The following XAF1 variants were observed in gnomAD, a reference collection of about 807,000 sequenced individuals.
The protein encoded by XAF1 is XIAP associated factor 1, also known as XIAP-associated factor 1.
Under a neutral mutation model 32.3 loss-of-function variants are expected in XAF1, and 32 were observed. The observed-to-expected ratio is 0.99, with a 90% CI of 0.75 to 1.33. XAF1 has a LOEUF of 1.33. Among genes scored for constraint, XAF1 ranks in the 40% most tolerant of loss-of-function variants. The pLI is 0.00. For synonymous variants in XAF1, 120 were observed against 125.9 expected (o/e 0.95, Z 0.31); for missense variants, 379 against 366.0 (o/e 1.04, Z -0.29).
chr17:6,767,626 A>G (rs1975710942), intron 5 of XAF1, among the ~76,000 whole-genome samples: 1 of 152,210 alleles, frequency 6.6e-6, no homozygotes, highest in Admixed American at 6.5e-5. Flanking sequence ...TAATATCTCA[A>G]AAATACAGTC....
chr17:6,756,345 C>A, intron 1 of XAF1: 3 of 1,306,982 alleles, frequency 2.3e-6, no homozygotes, highest in Non-Finnish European at 3.0e-6. Context: ...AAATGTTAGG[C>A]TTTCTGGGAC....
At chr17:6,756,156 GAGACGT>G in intron 1 of XAF1, 46 bp downstream of exon 1, 1 of 1,613,758 alleles carries the variant, frequency 6.2e-7, no homozygotes, top group Non-Finnish European at 8.5e-7. Flanking sequence ...TGGCGAGGGA[GAGACGT>G]AGACGACATA....
chr17:6,760,008 ATTCCCT>A, intron 3 of XAF1: 1 of 553,008 alleles, frequency 1.8e-6, no homozygotes, highest in Non-Finnish European at 3.2e-6. Flanking sequence ...ATTGGCCCTA[ATTCCCT>A]AGGGAGATGG....
intron 5 of XAF1, among the ~76,000 whole-genome samples, chr17:6,765,180 G>A (rs1052115395): frequency 9.9e-5 from 15 of 152,150 alleles, no homozygotes; most frequent in South Asian, 2.1e-4. Context: ...TTGGGAGGCC[G>A]AGGTGGGAGG....
At chr17:6,762,857 T>A (rs1158956732) in intron 5 of XAF1, among the ~76,000 whole-genome samples, 2 of 152,244 alleles carry the variant, frequency 1.3e-5, no homozygotes, top group Admixed American at 1.3e-4. Context: ...AGAACTCTTC[T>A]CCTTCTCCTT....
intron 3 of XAF1, 174 bp downstream of exon 3, chr17:6,759,892 C>G (rs1252907607): frequency 1.9e-6 from 2 of 1,066,844 alleles, no homozygotes; most frequent in African/African-American, 1.6e-5. Context: ...GTTCTCCTGT[C>G]CCCCAGATAC....
At chr17:6,769,356 C>T (rs1975849949) in intron 5 of XAF1, among the ~76,000 whole-genome samples, 1 of 151,866 alleles carries the variant, frequency 6.6e-6, no homozygotes, top group African/African-American at 2.4e-5. Context: ...TTTAATCATC[C>T]CACAATGTAT....
intron 6 of XAF1, among the ~76,000 whole-genome samples, chr17:6,772,586 T>C (rs2151564506): frequency 6.7e-6 from 1 of 150,196 alleles, no homozygotes; most frequent in African/African-American, 2.4e-5. Flanking sequence ...TTCTCCTGCC[T>C]CAGCCTCCTG....
intron 4 of XAF1, among the ~76,000 whole-genome samples, chr17:6,761,326 GCACTTCCT>G (rs1031223525): frequency 6.6e-6 from 1 of 152,166 alleles, no homozygotes; most frequent in African/African-American, 2.4e-5. Context: ...CTGGACTCCC[GCACTTCCT>G]GGCACTGAAT....
At chr17:6,769,861 ATC>A (rs1172120093) in intron 5 of XAF1, among the ~76,000 whole-genome samples, 1 of 152,184 alleles carries the variant, frequency 6.6e-6, no homozygotes, top group Non-Finnish European at 1.5e-5. Context: ...ATAAGTTTTC[ATC>A]TCCACACTCA....
intron 6 of XAF1, chr17:6,771,686 T>C (rs559380046): frequency 8.5e-5 from 13 of 152,342 alleles, no homozygotes; most frequent in South Asian, 2.1e-4. Context: ...TCCACATGTA[T>C]ATAGCTCCAA....
intron 4 of XAF1, chr17:6,761,904 G>A: frequency 6.7e-7 from 1 of 1,486,218 alleles, no homozygotes; most frequent in South Asian, 1.2e-5. Flanking sequence ...CCTGATCCAG[G>A]AAAATGTCTC....
intron 5 of XAF1, among the ~76,000 whole-genome samples, chr17:6,768,946 C>T (rs1300156366): frequency 6.6e-6 from 1 of 152,124 alleles, no homozygotes; most frequent in Non-Finnish European, 1.5e-5. Context: ...TCTTTGAATT[C>T]CCAACATTCC....
Position 6,758,213 on chromosome 17 carries a change from G to A in XAF1, c.157G>A (p.Glu53Lys), listed in dbSNP as rs1294836765. Residue 53 changes from glutamate to lysine, a missense_variant, in exon 2 of 7, where the codon GAG (glutamate) becomes AAG (lysine). Glu to Lys is a moderately conservative substitution (Grantham distance 56). Coordinates refer to ENST00000361842, the MANE Select transcript of XAF1 (RefSeq NM_017523.5). ...AACCATGGAGGAGCACTGCAAGCTTGAGCACCAGCAGGTGAGGAGGCGGCA... is the reference window on the plus strand; with the variant it reads ...AACCATGGAGGAGCACTGCAAGCTTAAGCACCAGCAGGTGAGGAGGCGGCA... ...KETMEEHCKL[E>K]HQQVGCTMCQ... is the part of the protein sequence containing the mutation. The A allele has an allele frequency of 2.5e-6, 4 of 1,614,208 alleles. No individual in the cohort carries two copies. The highest frequency in any genetic ancestry group is 1.1e-5 in the South Asian group (1 of 91,084).
At chr17:6,760,682 C>G in intron 4 of XAF1, 81 bp downstream of exon 4, 1 of 1,354,244 alleles carries the variant, frequency 7.4e-7, no homozygotes, top group East Asian at 2.4e-5. Context: ...AAGGGAAGCT[C>G]TCAACAGGAC....
At chr17:6,758,443 G>C in intron 2 of XAF1, 1 of 680,786 alleles carries the variant, frequency 1.5e-6, no homozygotes, top group Non-Finnish European at 2.4e-6. Context: ...GGTGAGATGG[G>C]GTCTGAGAGT....
intron 5 of XAF1, among the ~76,000 whole-genome samples, chr17:6,763,138 A>G (rs992774386): frequency 6.6e-6 from 1 of 152,140 alleles, no homozygotes; most frequent in African/African-American, 2.4e-5. Flanking sequence ...TCATCTTCCC[A>G]GTTCCTGGCA....
intron 5 of XAF1, among the ~76,000 whole-genome samples, chr17:6,766,787 TC>T (rs1202413549): frequency 6.6e-6 from 1 of 152,196 alleles, no homozygotes; most frequent in African/African-American, 2.4e-5. Flanking sequence ...ATCTGAAAAT[TC>T]CCCTGAGTAC....
intron 5 of XAF1, among the ~76,000 whole-genome samples, chr17:6,765,409 T>A (rs1975533114): frequency 6.6e-6 from 1 of 152,080 alleles, no homozygotes; most frequent in Non-Finnish European, 1.5e-5. Context: ...CGAGACTCCA[T>A]CTCAAAAAAT....
Sources: gnomAD v4.1 joint callset for allele counts (sites outside exome capture counted in the v4.1 genomes callset) on GRCh38, gnomAD v4.1.1 for gene constraint, MANE v1.5 for transcripts, NCBI Gene and HGNC (gene_info 2026-07-23, HGNC 2026-07-21) for gene names.